CNTN5: variants seen among roughly 807,000 people sequenced by gnomAD.
The protein encoded by CNTN5 is contactin 5.
CNTN5 carries 77 observed loss-of-function variants against 129.1 expected under a neutral mutation model. The ratio of observed to expected loss-of-function variants is 0.60; its 90% CI spans 0.50 to 0.72. CNTN5 has a LOEUF of 0.72. Among genes scored for constraint, CNTN5 ranks in the 30% least tolerant of loss-of-function variants. The pLI is 0.00. For synonymous variants in CNTN5, 509 were observed against 465.6 expected, an observed-to-expected ratio of 1.09 and a Z score of -1.20; for missense variants, 1,478 against 1,328.8, an observed-to-expected ratio of 1.11 and a Z score of -1.75.
intron 1 of CNTN5, among the ~76,000 whole-genome samples, chr11:99,139,528 C>T (rs1394132933): frequency 6.6e-6 from 1 of 152,096 alleles, no homozygotes; most frequent in South Asian, 2.1e-4. Context: ...AGACCCGAGC[C>T]GTTCATTAAA....
chr11:99,893,135 T>C (rs1949108916), intron 6 of CNTN5, among the ~76,000 whole-genome samples: 1 of 152,188 alleles, frequency 6.6e-6, no homozygotes, highest in African/African-American at 2.4e-5. Context: ...ATTTTTCATT[T>C]AGTAGGAAAA....
Position 100,083,284 on chromosome 11 carries a change from T to C in CNTN5, c.1580+8990T>C, listed in dbSNP as rs141555395. 1.8e-3 allele frequency among the ~76,000 whole-genome samples: 269 copies of C among 147,062 alleles called. 2 individuals carry two copies. Among genetic ancestry groups the C allele is most frequent in the African/African-American group, 6.4e-3 (253 of 39,494 alleles). On this transcript the variant is annotated intron_variant, in intron 13 of 24. Transcript: ENST00000524871. ...GTAAGCTGATATTGTACCACTGTAC[T>C]CCAGCTTGGGCAATGAGAGCAAAAC... is the stretch of plus-strand genomic sequence containing the variant.
intron 4 of CNTN5, among the ~76,000 whole-genome samples, chr11:99,840,734 G>T (rs10790992): frequency 6.6e-6 from 1 of 151,872 alleles, no homozygotes; most frequent in East Asian, 1.9e-4. Context: ...CTACTTGGTT[G>T]AAGAGTTTAA....
In CNTN5 at chr11:99,916,739, GCAAGCTTA is replaced by G. The variant is rs544220143; in HGVS notation, c.673+593_673+600del. On this transcript the variant is annotated intron_variant, in intron 7 of 24. Coordinates refer to ENST00000524871, the MANE Select transcript of CNTN5 (RefSeq NM_014361.4). ...GCTCAGATTAATTATACGTCCTTTT[GCAAGCTTA>G]CACCTAATTATATCTATTTTGTTTG... 5.3e-4 allele frequency among the ~76,000 whole-genome samples: 80 copies of G among 152,148 alleles called. 2 individuals carry two copies. Among genetic ancestry groups the G allele is most frequent in the Admixed American group, 4.3e-3 (65 of 15,258 alleles).
chr11:100,091,608 C>T (rs1591224018), intron 13 of CNTN5, among the ~76,000 whole-genome samples: 1 of 151,150 alleles, frequency 6.6e-6, no homozygotes, highest in Admixed American at 6.6e-5. Flanking sequence ...TTTGTATTTT[C>T]AGTAGAAAAT....
chr11:99,924,398 C>T (rs1950013859), intron 7 of CNTN5, among the ~76,000 whole-genome samples: 1 of 152,066 alleles, frequency 6.6e-6, no homozygotes, highest in Non-Finnish European at 1.5e-5. Flanking sequence ...AGTATGTAAT[C>T]CATCTTGAGT....
chr11:99,462,360 C>CTTTTTTTTTTTTT (rs72276833), intron 2 of CNTN5, among the ~76,000 whole-genome samples: 130 of 125,250 alleles, frequency 1.0e-3, no homozygotes, highest in Non-Finnish European at 1.4e-3. Flanking sequence ...CTTTTCTTTT[C>CTTTTTTTTTTTTT]TTTTTTTTTT....
At chr11:99,727,130 C>A (rs1943369538) in intron 3 of CNTN5, among the ~76,000 whole-genome samples, 1 of 148,548 alleles carries the variant, frequency 6.7e-6, no homozygotes, top group Non-Finnish European at 1.5e-5. Context: ...CAAGGTGAAA[C>A]CCCGTCTCTA....
At chr11:99,934,929 TATATATATATATATATATAC>T (rs1238247440) in intron 7 of CNTN5, among the ~76,000 whole-genome samples, 1,633 of 57,842 alleles carry the variant, frequency 0.028, 60 homozygotes, top group African/African-American at 0.054. Flanking sequence ...TATATATATA[TATATATATATATATATATAC>T]ACACACATAT....
chr11:99,047,370 T>C (rs1160208470), intron 1 of CNTN5, among the ~76,000 whole-genome samples: 1 of 149,730 alleles, frequency 6.7e-6, no homozygotes. Context: ...ACTGATCTTA[T>C]TGAATTTTGG....
chr11:99,858,033 C>A (rs1228564723), intron 6 of CNTN5, among the ~76,000 whole-genome samples: 2 of 151,428 alleles, frequency 1.3e-5, no homozygotes, highest in Admixed American at 1.3e-4. Context: ...TAATTCATGT[C>A]AAAATATCCA....
intron 2 of CNTN5, among the ~76,000 whole-genome samples, chr11:99,473,110 TAAA>T (rs1362414150): frequency 6.6e-6 from 1 of 152,154 alleles, no homozygotes; most frequent in Admixed American, 6.6e-5. Flanking sequence ...CATTCCACTG[TAAA>T]AAGAAAGGGC....
chr11:99,500,412 G>A (rs1946384257), intron 2 of CNTN5, among the ~76,000 whole-genome samples: 1 of 151,984 alleles, frequency 6.6e-6, no homozygotes, highest in South Asian at 2.1e-4. Flanking sequence ...GCTTAAAATG[G>A]AAAAAATATT....
chr11:99,811,386 C>G (rs552722163), intron 3 of CNTN5, among the ~76,000 whole-genome samples: 4 of 150,882 alleles, frequency 2.7e-5, no homozygotes, highest in African/African-American at 9.7e-5. Flanking sequence ...TTTATTTTAT[C>G]TTCTTCATAA....
At chr11:100,287,161 G>T (rs977721959) in intron 18 of CNTN5, among the ~76,000 whole-genome samples, 7 of 152,140 alleles carry the variant, frequency 4.6e-5, no homozygotes. Context: ...GGGGAGAATG[G>T]AACCAAGTTG....
chr11:99,647,731 A>ATTTTTTT (rs981156611), intron 3 of CNTN5, among the ~76,000 whole-genome samples: 1 of 145,604 alleles, frequency 6.9e-6, no homozygotes, highest in African/African-American at 2.5e-5. Context: ...TTGTTATACT[A>ATTTTTTT]TTTTTTTTTT....
At chr11:100,109,217 G>A (rs1945561504) in intron 13 of CNTN5, among the ~76,000 whole-genome samples, 1 of 152,172 alleles carries the variant, frequency 6.6e-6, no homozygotes. Context: ...CACGAAGTCA[G>A]GCATTCGAGA....
chr11:100,140,308 A>G (rs1946654599), intron 13 of CNTN5, among the ~76,000 whole-genome samples: 1 of 152,176 alleles, frequency 6.6e-6, no homozygotes, highest in African/African-American at 2.4e-5. Flanking sequence ...GGAGGTGGAG[A>G]GTTCAATTTA....
intron 1 of CNTN5, among the ~76,000 whole-genome samples, chr11:99,242,301 T>C (rs1861600427): frequency 6.6e-6 from 1 of 152,110 alleles, no homozygotes; most frequent in Non-Finnish European, 1.5e-5. Flanking sequence ...GTGGGAGGTG[T>C]GTGAGGAAGA....
Sources: allele counts gnomAD v4.1 joint callset (sites outside exome capture counted in the v4.1 genomes callset), GRCh38; gene constraint gnomAD v4.1.1; transcripts MANE v1.5; gene names NCBI Gene and HGNC (gene_info 2026-07-23, HGNC 2026-07-21).